LMBR1: variants seen among roughly 807,000 people sequenced by gnomAD.
LMBR1 encodes the protein limb region 1 protein homolog.
A neutral mutation model predicts 73.9 loss-of-function variants in LMBR1; 52 were observed. That is an observed-to-expected ratio of 0.70 (90% CI 0.56 to 0.89). The LOEUF (loss-of-function observed/expected upper bound fraction) is 0.89. Ranked by LOEUF, LMBR1 falls within the 40% of genes least tolerant of loss-of-function variation. The pLI is 0.00. For synonymous variants in LMBR1, 215 were observed against 209.4 expected, an observed-to-expected ratio of 1.03 and a Z score of -0.23; for missense variants, 539 against 579.8, an observed-to-expected ratio of 0.93 and a Z score of 0.72.
intron 15 of LMBR1, among the ~76,000 whole-genome samples, chr7:156,720,225 C>A (rs1364164314): frequency 2.6e-5 from 4 of 151,964 alleles, no homozygotes; most frequent in Non-Finnish European, 5.9e-5. Context: ...GGGCTAATAT[C>A]CAGAATCTAC....
intron 9 of LMBR1, among the ~76,000 whole-genome samples, chr7:156,744,581 A>G (rs1407186522): frequency 1.3e-5 from 2 of 151,900 alleles, no homozygotes; most frequent in African/African-American, 4.8e-5. Flanking sequence ...TCTGCACTTC[A>G]CGTCTATTTT....
At chr7:156,827,518 T>C (rs1474269849) in intron 3 of LMBR1, among the ~76,000 whole-genome samples, 12 of 152,142 alleles carry the variant, frequency 7.9e-5, no homozygotes, top group East Asian at 3.8e-4. Flanking sequence ...ATAAGGTGCT[T>C]TCACCTTCTC....
intron 15 of LMBR1, among the ~76,000 whole-genome samples, chr7:156,723,688 C>T (rs976850172): frequency 6.6e-6 from 1 of 152,082 alleles, no homozygotes; most frequent in African/African-American, 2.4e-5. Flanking sequence ...CTGCGTTCAC[C>T]TCTATTTTGT....
At chr7:156,822,651 AT>A (rs1834976137) in intron 4 of LMBR1, 2 of 152,212 alleles carry the variant, frequency 1.3e-5, no homozygotes, top group South Asian at 4.1e-4. Context: ...ATTATAAAAA[AT>A]ATTCAAATTC....
At chr7:156,774,258 T>C (rs772709520) in intron 5 of LMBR1, among the ~76,000 whole-genome samples, 2 of 152,254 alleles carry the variant, frequency 1.3e-5, no homozygotes, top group Non-Finnish European at 2.9e-5. Flanking sequence ...CCTCATGTAC[T>C]GCTGGTGGGA....
chr7:156,825,708 A>G lies in LMBR1; in HGVS notation c.319+897T>C, dbSNP rs1353315527. Among the ~76,000 whole-genome samples the G allele has an allele frequency of 2.6e-5, 4 of 152,226 alleles. No individual in the cohort carries two copies. The East Asian group carries it at 7.7e-4, about 29-fold the overall frequency. ...AAAGAAAACACCTCACAGCCTAAAT[A>G]ACTATCATAATAGCTACCACCTATT... is the stretch of plus-strand genomic sequence containing the variant. On this transcript the variant is annotated intron_variant, in intron 4 of 16. Coordinates refer to ENST00000353442, the MANE Select transcript of LMBR1 (RefSeq NM_022458.4).
At chr7:156,726,072 A>G (rs747587833) in intron 12 of LMBR1, 2 of 386,380 alleles carry the variant, frequency 5.2e-6, no homozygotes, top group Non-Finnish European at 9.3e-6. Context: ...CTCAAATGTA[A>G]TTTAAGTTAC....
chr7:156,734,087 T>C, intron 10 of LMBR1, 90 bp downstream of exon 10: 1 of 715,254 alleles, frequency 1.4e-6, no homozygotes, highest in Non-Finnish European at 2.2e-6. Flanking sequence ...CATAAAGATT[T>C]CATAAATTTT....
rs1428338206 is a variant in LMBR1 at position 156,836,857 on chromosome 7, T to C, written c.95A>G (p.Tyr32Cys). The C allele has an allele frequency of 6.3e-7, 1 of 1,580,674 alleles. No homozygotes were observed. Among genetic ancestry groups the C allele is most frequent in the Non-Finnish European group, 8.6e-7 (1 of 1,159,506 alleles). ...TGTGATGATGAAGTAGGAAACAACG[T>C]AGAGAATGGCAAAAAGAAGGAAACA... Reference protein sequence around the residue: ...TICFLLFAILYVVSYFIITRY... With the variant: ...TICFLLFAILCVVSYFIITRY... The change falls in exon 2 of 17, where the codon TAC becomes TGC. Residue 32 changes from tyrosine to cysteine, a missense_variant. Tyr to Cys is a radical substitution (Grantham distance 194, BLOSUM62 -2). Coordinates refer to ENST00000353442, the MANE Select transcript of LMBR1 (RefSeq NM_022458.4).
At chr7:156,773,540 A>T (rs988644461) in intron 5 of LMBR1, among the ~76,000 whole-genome samples, 2 of 152,122 alleles carry the variant, frequency 1.3e-5, no homozygotes, top group Admixed American at 6.5e-5. Flanking sequence ...CCCAGAAATA[A>T]AGCCACACAC....
intron 9 of LMBR1, among the ~76,000 whole-genome samples, chr7:156,748,923 C>A (rs1442170024): frequency 2.0e-5 from 3 of 152,138 alleles, no homozygotes; most frequent in Non-Finnish European, 4.4e-5. Flanking sequence ...ATATCTCTGG[C>A]AGTCACCTCA....
At chr7:156,796,324 G>A in intron 5 of LMBR1, 65 bp downstream of exon 5, 1 of 1,048,082 alleles carries the variant, frequency 9.5e-7, no homozygotes, top group South Asian at 1.5e-5. Flanking sequence ...GCTTTTTCTA[G>A]TTCAATGTGA....
At position 156,681,500 on chromosome 7, in the gene LMBR1, A is replaced by G. The variant is rs1805019939; in HGVS notation, c.*2578T>C. On this transcript the variant is annotated 3_prime_UTR_variant, in exon 17 of 17. Transcript: ENST00000353442. ...TGGAAAATCAGTAAAAATTAATACA[A>G]ATGTTATAATCTGAAAACTTATAAT... The G allele has an allele frequency of 6.4e-6, 1 of 155,700 alleles. No individual in the cohort carries two copies. The highest frequency in any genetic ancestry group is 2.4e-5 in the African/African-American group (1 of 41,476). 9.6% of individuals were successfully genotyped at this position (155,700 alleles called of 1,614,324 possible). A position where few individuals can be genotyped will look rare whatever the true frequency, so the allele number is the denominator to read the frequency against.
chr7:156,704,233 C>T (rs1810419463), intron 15 of LMBR1, among the ~76,000 whole-genome samples: 1 of 152,136 alleles, frequency 6.6e-6, no homozygotes, highest in Non-Finnish European at 1.5e-5. Flanking sequence ...ACCAATGAAA[C>T]CTGAAAAGGG....
At chr7:156,867,843 G>C (rs1219001087) in intron 1 of LMBR1, among the ~76,000 whole-genome samples, 1 of 152,164 alleles carries the variant, frequency 6.6e-6, no homozygotes, top group East Asian at 1.9e-4. Flanking sequence ...AATGTTCTAT[G>C]ATTAGACAGT....
At chr7:156,850,954 C>A (rs1796154066) in intron 1 of LMBR1, among the ~76,000 whole-genome samples, 1 of 152,138 alleles carries the variant, frequency 6.6e-6, no homozygotes. Flanking sequence ...TTAGTTCACA[C>A]AGGATCTGGT....
At chr7:156,790,978 A>G (rs976663336) in intron 5 of LMBR1, among the ~76,000 whole-genome samples, 6 of 152,354 alleles carry the variant, frequency 3.9e-5, no homozygotes, top group African/African-American at 1.4e-4. Flanking sequence ...CAAAATAATC[A>G]TTCTGATCCA....
intron 5 of LMBR1, among the ~76,000 whole-genome samples, chr7:156,787,051 G>C (rs1828233390): frequency 6.6e-6 from 1 of 152,126 alleles, no homozygotes; most frequent in African/African-American, 2.4e-5. Flanking sequence ...CTACAGATGA[G>C]CTCGCAGGGG....
intron 7 of LMBR1, 105 bp from the exon 8 acceptor site, chr7:156,762,303 T>A: frequency 1.4e-6 from 1 of 720,182 alleles, no homozygotes; most frequent in Non-Finnish European, 2.5e-6. Context: ...GGATTATCAT[T>A]TTAAGAACAT....
Sources: gnomAD v4.1 joint callset for allele counts (sites outside exome capture counted in the v4.1 genomes callset) on GRCh38, gnomAD v4.1.1 for gene constraint, MANE v1.5 for transcripts, NCBI Gene and HGNC (gene_info 2026-07-23, HGNC 2026-07-21) for gene names.